The following FBXL7 variants were observed in gnomAD, a reference collection of about 807,000 sequenced individuals.
FBXL7 encodes the protein F-box and leucine rich repeat protein 7.
In FBXL7, 12 loss-of-function variants were observed where a neutral mutation model predicts 38.3. The observed-to-expected ratio is 0.31, with a 90% CI of 0.20 to 0.51. FBXL7 has a LOEUF of 0.51. Ranked by LOEUF, FBXL7 falls within the 20% of genes least tolerant of loss-of-function variation. The probability of loss-of-function intolerance (pLI) is 0.98; values close to 1 mark genes in which losing one functional copy is unlikely to be tolerated. For missense variants in FBXL7, 567 were observed against 676.4 expected (o/e 0.84, Z 1.79); for synonymous variants, 297 against 300.9 (o/e 0.99, Z 0.13).
chr5:15,587,042 C>T (rs971507479), intron 1 of FBXL7, among the ~76,000 whole-genome samples: 1 of 152,200 alleles, frequency 6.6e-6, no homozygotes, highest in Non-Finnish European at 1.5e-5. Context: ...ATATTTCCTT[C>T]TGAACCTCAG....
At chr5:15,661,350 A>T (rs1742061858) in intron 2 of FBXL7, among the ~76,000 whole-genome samples, 2 of 151,872 alleles carry the variant, frequency 1.3e-5, no homozygotes, top group South Asian at 2.1e-4. Context: ...TCTGCAAATA[A>T]AAACATTTTT....
chr5:15,876,934 G>A (rs1023565367), intron 2 of FBXL7, among the ~76,000 whole-genome samples: 2 of 152,158 alleles, frequency 1.3e-5, no homozygotes, highest in African/African-American at 4.8e-5. Context: ...AACTGAAAAG[G>A]CATTCTAAAC....
intron 2 of FBXL7, among the ~76,000 whole-genome samples, chr5:15,653,523 G>C (rs1364880370): frequency 6.6e-6 from 1 of 152,132 alleles, no homozygotes; most frequent in African/African-American, 2.4e-5. Flanking sequence ...TTATGTTTCT[G>C]ATAGCAAGGC....
Position 15,936,806 on chromosome 5 carries a change from G to C in FBXL7, c.1096G>C (p.Val366Leu). The stretch of plus-strand genomic sequence containing the variant: ...CGCGCACTGCGGCCGGGTCACCGAC[G>C]TGGGCATCCGCTACGTGGCCAAGTA... ...SIAHCGRVTD[V>L]GIRYVAKYCS... The change falls in exon 4 of 4, where the codon GTG becomes CTG. Residue 366 changes from valine (V) to leucine (L), a missense_variant. Transcript: ENST00000504595. This position sits in a 1 kb window ranked among gnomAD's most constrained non-coding sequence, Gnocchi z 6.0. 2 of 1,612,872 alleles carry C rather than the reference G, an allele frequency of 1.2e-6. No homozygotes were observed. The highest frequency in any genetic ancestry group is 1.7e-6 in the Non-Finnish European group (2 of 1,179,586).
intron 2 of FBXL7, among the ~76,000 whole-genome samples, chr5:15,738,198 T>C (rs1735804664): frequency 6.6e-6 from 1 of 152,234 alleles, no homozygotes; most frequent in Admixed American, 6.5e-5. Context: ...TGTATGACTT[T>C]ATTTAAATCA....
intron 2 of FBXL7, among the ~76,000 whole-genome samples, chr5:15,815,610 C>T (rs904144670): frequency 6.6e-6 from 1 of 152,042 alleles, no homozygotes; most frequent in Admixed American, 6.6e-5. Context: ...AGATACTTGA[C>T]TATTTAGGAC....
chr5:15,937,471 G>A lies in FBXL7; in HGVS notation c.*285G>A, dbSNP rs1742229273. On this transcript the variant is annotated 3_prime_UTR_variant, in exon 4 of 4. Coordinates refer to ENST00000504595, the MANE Select transcript of FBXL7 (RefSeq NM_012304.5). ...GGCTGATCGCTGTTCCTTGAGCAAGGCGCTTACTCTCCTCCGCTCAGGCCC... is the reference window on the plus strand; with the variant it reads ...GGCTGATCGCTGTTCCTTGAGCAAGACGCTTACTCTCCTCCGCTCAGGCCC... 3 of 356,068 alleles carry A rather than the reference G, an allele frequency of 8.4e-6. No individual in the cohort carries two copies. Among genetic ancestry groups the A allele is most frequent in the Admixed American group, 4.4e-5 (1 of 22,622 alleles). The allele number at this position is 356,068 out of a possible 1,614,324, so 22.1% of individuals were successfully genotyped here.
In FBXL7 at chr5:15,930,906, G is replaced by A. The variant is rs373124866; in HGVS notation, c.739+2405G>A. 2.3e-4 allele frequency among the ~76,000 whole-genome samples: 35 copies of A among 152,328 alleles called. No homozygotes were observed. The East Asian group carries it at 6.2e-3, about 27-fold the overall frequency. ...GTTATGTTGATGCAGAGAGGCCAGA[G>A]GGCTGCCACAGTTGATTTCATTATG... On this transcript the variant is annotated intron_variant, in intron 3 of 3. Transcript: ENST00000504595.
chr5:15,614,741 G>A (rs2964272), intron 1 of FBXL7, among the ~76,000 whole-genome samples: 8,235 of 152,196 alleles, frequency 0.054, 643 homozygotes, highest in East Asian at 0.36. Flanking sequence ...GGGCTAGGCT[G>A]TCCTCTGATG....
chr5:15,794,095 T>C (rs1387410142), intron 2 of FBXL7, among the ~76,000 whole-genome samples: 1 of 152,206 alleles, frequency 6.6e-6, no homozygotes, highest in East Asian at 1.9e-4. Context: ...TTTAAGCATA[T>C]TTGCATCTTA....
At chr5:15,785,698 G>A (rs1245348962) in intron 2 of FBXL7, among the ~76,000 whole-genome samples, 1 of 152,174 alleles carries the variant, frequency 6.6e-6, no homozygotes. Context: ...CATTAGAAAC[G>A]GAGATGAACT....
chr5:15,593,988 G>T (rs1739549431), intron 1 of FBXL7, among the ~76,000 whole-genome samples: 1 of 152,094 alleles, frequency 6.6e-6, no homozygotes, highest in South Asian at 2.1e-4. Flanking sequence ...TATGAAAATG[G>T]CAATTTCTTA....
intron 1 of FBXL7, among the ~76,000 whole-genome samples, chr5:15,519,537 C>T (rs1258229595): frequency 6.6e-6 from 1 of 151,986 alleles, no homozygotes; most frequent in Non-Finnish European, 1.5e-5. Context: ...GAAGTTGTCA[C>T]AGGAGAGCAA....
intron 2 of FBXL7, among the ~76,000 whole-genome samples, chr5:15,753,192 G>A (rs939513109): frequency 2.0e-5 from 3 of 151,866 alleles, no homozygotes; most frequent in African/African-American, 7.3e-5. Flanking sequence ...TTTTTTCCCC[G>A]TATAGTGCTT....
intron 2 of FBXL7, among the ~76,000 whole-genome samples, chr5:15,634,568 A>G (rs1315938350): frequency 3.3e-5 from 5 of 150,714 alleles, no homozygotes; most frequent in Middle Eastern, 3.4e-3. Flanking sequence ...TGATCTGCCC[A>G]CCTCAGCCTC....
chr5:15,500,543 G>A lies in FBXL7; in HGVS notation c.-134G>A. ...GGAGTGCGGGGACCTCTCCAGGCCG[G>A]AGGTCGGCCCCGGAGCTTGGGGGGG... On this transcript the variant is annotated 5_prime_UTR_variant, in exon 1 of 4. Transcript: ENST00000504595. 7.9e-7 allele frequency: 1 copy of A among 1,259,194 alleles called. No homozygotes were observed. The highest frequency in any genetic ancestry group is 1.2e-5 in the South Asian group (1 of 84,128). 78.0% of individuals were successfully genotyped at this position (1,259,194 alleles called of 1,614,324 possible).
At chr5:15,650,672 AT>A (rs1351246959) in intron 2 of FBXL7, among the ~76,000 whole-genome samples, 1 of 152,222 alleles carries the variant, frequency 6.6e-6, no homozygotes, top group Non-Finnish European at 1.5e-5. Flanking sequence ...TTTATGGAAT[AT>A]TTTAAATGTT....
intron 2 of FBXL7, among the ~76,000 whole-genome samples, chr5:15,622,824 C>T (rs1333437735): frequency 6.6e-6 from 1 of 152,200 alleles, no homozygotes; most frequent in Non-Finnish European, 1.5e-5. Context: ...CCTGCTTCAG[C>T]CTCCCAAGTA....
intron 2 of FBXL7, among the ~76,000 whole-genome samples, chr5:15,895,513 T>C (rs1467282457): frequency 6.6e-6 from 1 of 152,070 alleles, no homozygotes; most frequent in Non-Finnish European, 1.5e-5. Context: ...ATAAGCTAGA[T>C]ATATTGCACT....
Sources: allele counts gnomAD v4.1 joint callset (sites outside exome capture counted in the v4.1 genomes callset), GRCh38; gene constraint gnomAD v4.1.1; non-coding constraint Gnocchi (gnomAD v3.1); transcripts MANE v1.5; gene names NCBI Gene and HGNC (gene_info 2026-07-23, HGNC 2026-07-21).